Variants in DDX17 observed in about 807,000 individuals in gnomAD.
DDX17 encodes the protein DEAD-box helicase 17.
In DDX17, 10 loss-of-function variants were observed where a neutral mutation model predicts 80.8. That is an observed-to-expected ratio of 0.12 (90% CI 0.08 to 0.21). DDX17 has a LOEUF of 0.21. Ranked by LOEUF, DDX17 falls within the 10% of genes least tolerant of loss-of-function variation. DDX17 has a pLI of 1.00. For missense variants in DDX17, 586 were observed against 957.4 expected (o/e 0.61, Z 5.12); for synonymous variants, 339 against 336.2 (o/e 1.01, Z -0.09).
chr22:38,488,330 T>C, intron 11 of DDX17: 1 of 1,434,016 alleles, frequency 7.0e-7, no homozygotes, highest in Non-Finnish European at 9.1e-7. Flanking sequence ...GGAAATAGGA[T>C]CTTTATTGGC....
At chr22:38,500,673 C>T (rs935408189) in intron 2 of DDX17, among the ~76,000 whole-genome samples, 2 of 150,734 alleles carry the variant, frequency 1.3e-5, no homozygotes, top group African/African-American at 4.9e-5. Flanking sequence ...AAAAATTAGC[C>T]GGGCATGGTG....
intron 5 of DDX17, among the ~76,000 whole-genome samples, chr22:38,497,025 C>T (rs114420780): frequency 0.03 from 4,553 of 152,132 alleles, 201 homozygotes; most frequent in African/African-American, 0.097. Context: ...GTAGGCCGGG[C>T]GTGGTGGCTC....
chr22:38,486,002 C>T lies in DDX17; in HGVS notation c.2123G>A (p.Gly708Asp), dbSNP rs1487347595. Residue 708 changes from glycine (G) to aspartate (D), a missense_variant, in exon 13 of 13, where the codon GGT (glycine) becomes GAT (aspartate). This residue lies in a region of DDX17 where 221 missense variants were observed against 261.4 expected (regional missense o/e 0.85). Transcript: ENST00000403230. ...TTGGTAGGCAGTCTGCCCCATGTAA[C>T]CTATCATATTGGTAGCTCCCGGAGG... is the stretch of plus-strand genomic sequence containing the variant. 1 of 1,613,796 alleles carries T rather than the reference C, an allele frequency of 6.2e-7. No homozygotes were observed. Among genetic ancestry groups the T allele is most frequent in the Admixed American group, 1.7e-5 (1 of 59,970 alleles).
Position 38,484,733 on chromosome 22 carries a change from C to A in DDX17, c.*1202G>T, listed in dbSNP as rs2089637779. On this transcript the variant is annotated 3_prime_UTR_variant, in exon 13 of 13. Transcript: ENST00000403230. ...TCAGATGGAGGAAAAGTGAAAAGGA[C>A]TTAGGCTTTAGTCCTCCATGACTTT... The A allele has an allele frequency of 6.6e-6, 1 of 152,190 alleles. No homozygotes were observed. Among genetic ancestry groups the A allele is most frequent in the Non-Finnish European group, 1.5e-5 (1 of 68,038 alleles). 9.4% of individuals were successfully genotyped at this position (152,190 alleles called of 1,614,324 possible).
rs1328502917 is a variant in DDX17, at chr22:38,485,692, A to AT, written c.*242dup. Reference sequence around the variant, plus strand: ...TCCAGTCAGCTATATATATATATATATATTTTTTTTTTTTTTACAAAATGT... The same window carrying AT: ...TCCAGTCAGCTATATATATATATATATTATTTTTTTTTTTTTTACAAAATGT... On this transcript the variant is annotated 3_prime_UTR_variant, in exon 13 of 13. Transcript: ENST00000403230. The AT allele has an allele frequency of 2.0e-4, 13 of 63,588 alleles. No homozygotes were observed. Among genetic ancestry groups the AT allele is most frequent in the African/African-American group, 8.5e-4 (13 of 15,346 alleles). 3.9% of individuals were successfully genotyped at this position (63,588 alleles called of 1,614,324 possible). A position where few individuals can be genotyped will look rare whatever the true frequency, so the allele number is the denominator to read the frequency against.
intron 5 of DDX17, 86 bp downstream of exon 5, chr22:38,497,999 C>G: frequency 2.3e-6 from 3 of 1,316,112 alleles, no homozygotes; most frequent in Non-Finnish European, 3.3e-6. Context: ...GTTAAGAGTA[C>G]AAATGGATAA....
intron 12 of DDX17, 119 bp downstream of exon 12, chr22:38,487,760 T>G: frequency 1.0e-6 from 1 of 986,904 alleles, no homozygotes. Context: ...TTAGGCAGTG[T>G]CCTTTGCTAT....
intron 11 of DDX17, chr22:38,491,388 G>T (rs2089712340): frequency 6.6e-6 from 1 of 151,900 alleles, no homozygotes; most frequent in African/African-American, 2.4e-5. Context: ...CAGAATAGTG[G>T]GCTAAACTAC....
In DDX17 at chr22:38,485,411, AG is replaced by A. The variant is rs1468606634; in HGVS notation, c.*523del. 9 of 152,202 alleles carry A rather than the reference AG, an allele frequency of 5.9e-5. No homozygotes were observed. The highest frequency in any genetic ancestry group is 2.2e-4 in the African/African-American group (9 of 41,440). 9.4% of individuals were successfully genotyped at this position (152,202 alleles called of 1,614,324 possible). A position where few individuals can be genotyped will look rare whatever the true frequency, so the allele number is the denominator to read the frequency against. Reference sequence around the variant, plus strand: ...GCCCGAGGAAACCTGTTCCAACTTAAGAAACATTTAAAAGCACAAAAGAAAA... The same window carrying A: ...GCCCGAGGAAACCTGTTCCAACTTAAAAACATTTAAAAGCACAAAAGAAAA... On this transcript the variant is annotated 3_prime_UTR_variant, in exon 13 of 13. Coordinates refer to ENST00000403230, the MANE Select transcript of DDX17 (RefSeq NM_006386.5).
intron 6 of DDX17, among the ~76,000 whole-genome samples, chr22:38,495,306 C>T (rs2089750246): frequency 7.1e-6 from 1 of 140,594 alleles, no homozygotes; most frequent in African/African-American, 2.7e-5. Context: ...AATGCAGTGG[C>T]ACGATCTCGG....
At chr22:38,487,072 G>A (rs1377239456) in intron 12 of DDX17, among the ~76,000 whole-genome samples, 1 of 152,186 alleles carries the variant, frequency 6.6e-6, no homozygotes, top group African/African-American at 2.4e-5. Flanking sequence ...GGAGGCTGAA[G>A]CAGGAGAATC....
At chr22:38,492,233 C>A in intron 10 of DDX17, 118 bp from the exon 11 acceptor site, 1 of 726,958 alleles carries the variant, frequency 1.4e-6, no homozygotes, top group South Asian at 2.1e-5. Flanking sequence ...CTTGTAATGA[C>A]TGACAGTGAT....
chr22:38,503,060 T>A (rs1416393616), intron 1 of DDX17, among the ~76,000 whole-genome samples: 6 of 152,232 alleles, frequency 3.9e-5, no homozygotes, highest in Admixed American at 1.3e-4. Flanking sequence ...AGAACTTGGC[T>A]AATTCCATTT....
intron 1 of DDX17, among the ~76,000 whole-genome samples, chr22:38,504,892 G>A (rs1209422587): frequency 6.6e-6 from 1 of 151,706 alleles, no homozygotes; most frequent in Admixed American, 6.6e-5. Context: ...ATCAAGTGGC[G>A]TCACGTAACT....
At position 38,498,142 on chromosome 22, in the gene DDX17, C is replaced by T; in HGVS notation, c.681G>A (p.Leu227=). The change falls in exon 5 of 13, where the codon CTG becomes CTA. Residue 227 remains leucine, a synonymous_variant. Coordinates refer to ENST00000403230, the MANE Select transcript of DDX17 (RefSeq NM_006386.5). ...GGTGGTTAATATGAACAATTGCAGG[C>T]AGGAGATACTGTGGAGGGGGGAAAG... is the stretch of plus-strand genomic sequence containing the variant. 2.5e-6 allele frequency: 4 copies of T among 1,614,008 alleles called. No homozygotes were observed. The highest frequency in any genetic ancestry group is 3.4e-6 in the Non-Finnish European group (4 of 1,179,962).
intron 1 of DDX17, among the ~76,000 whole-genome samples, chr22:38,501,523 G>C (rs971196888): frequency 1.3e-5 from 2 of 152,174 alleles, no homozygotes; most frequent in Non-Finnish European, 2.9e-5. Flanking sequence ...CCTTTATTGA[G>C]AGAAATACAT....
Position 38,489,543 on chromosome 22 carries a change from A to G in DDX17, c.1448-1428T>C. The G allele has an allele frequency of 1.0e-6, 1 of 985,016 alleles. No individual in the cohort carries two copies. The highest frequency in any genetic ancestry group is 1.2e-6 in the Non-Finnish European group (1 of 829,504). 61.0% of individuals were successfully genotyped at this position (985,016 alleles called of 1,614,324 possible). ...TTGTAGAAAAAAATAATTAATAAAA[A>G]AAAATGTAAGTTACATCCAAAGGGT... On this transcript the variant is annotated intron_variant, in intron 11 of 12. Coordinates refer to ENST00000403230, the MANE Select transcript of DDX17 (RefSeq NM_006386.5). The surrounding 1 kb of genome is among the most constrained non-coding windows in gnomAD (Gnocchi z 4.6).
chr22:38,494,558 A>C lies in DDX17; in HGVS notation c.1214+72T>G, dbSNP rs961689444. The C allele has an allele frequency of 7.0e-6, 10 of 1,428,090 alleles. No homozygotes were observed. The South Asian group carries it at 1.1e-4, about 16-fold the overall frequency. 88.5% of individuals were successfully genotyped at this position (1,428,090 alleles called of 1,614,324 possible). A position where few individuals can be genotyped will look rare whatever the true frequency, so the allele number is the denominator to read the frequency against. ...GGCCTCAAAATATACTGGTTTCTAC[A>C]GTACTAATTTTGGAGGGTTATTAGA... is the stretch of plus-strand genomic sequence containing the variant. On this transcript the variant is annotated intron_variant, in intron 8 of 12. Transcript: ENST00000403230.
intron 10 of DDX17, chr22:38,493,501 C>T: frequency 1.8e-6 from 1 of 560,814 alleles, no homozygotes; most frequent in Non-Finnish European, 3.2e-6. Context: ...CAGGCCACTT[C>T]TTTACATATT....
Sources: allele counts gnomAD v4.1 joint callset (sites outside exome capture counted in the v4.1 genomes callset), GRCh38; gene constraint gnomAD v4.1.1; regional missense constraint gnomAD v4.1.1; non-coding constraint Gnocchi (gnomAD v3.1); transcripts MANE v1.5; gene names NCBI Gene and HGNC (gene_info 2026-07-23, HGNC 2026-07-21).